BCL2L13: variants seen among roughly 807,000 people sequenced by gnomAD.
BCL2L13 encodes the protein bcl-2-like protein 13.
Under a neutral mutation model 25.8 loss-of-function variants are expected in BCL2L13, and 13 were observed. The ratio of observed to expected loss-of-function variants is 0.50; its 90% CI spans 0.33 to 0.80. The LOEUF is 0.80. Among genes scored for constraint, BCL2L13 ranks in the 30% least tolerant of loss-of-function variants. BCL2L13 has a pLI of 0.02. For missense variants in BCL2L13, 504 were observed against 574.9 expected (o/e 0.88, Z 1.26); for synonymous variants, 244 against 230.3 (o/e 1.06, Z -0.54).
At position 17,710,520 on chromosome 22, in the gene BCL2L13, C is replaced by T. The variant is rs533867960; in HGVS notation, c.600+8134C>T. On this transcript the variant is annotated intron_variant, in intron 6 of 6. Transcript: ENST00000317582. Reference sequence around the variant, plus strand: ...GCTTGAACTTGGGAGGCGGAGGTTGCGGTGAGCTGAGATCACGCCACTGCA... The same window carrying T: ...GCTTGAACTTGGGAGGCGGAGGTTGTGGTGAGCTGAGATCACGCCACTGCA... Among the ~76,000 whole-genome samples the T allele has an allele frequency of 1.3e-4, 20 of 152,004 alleles. No individual in the cohort carries two copies. The South Asian group carries it at 3.3e-3, about 25-fold the overall frequency.
At position 17,659,660 on chromosome 22, in the gene BCL2L13, AAAAACAAAAC is replaced by A. The variant is rs149548796; in HGVS notation, c.121+3843_121+3852del. On this transcript the variant is annotated intron_variant, in intron 2 of 6. Coordinates refer to ENST00000317582, the MANE Select transcript of BCL2L13 (RefSeq NM_015367.4). ...TGGGCGACAGAACGAGACTCCGTCA[AAAAACAAAAC>A]AAAACAAAACAAAAAAACAAGAAAC... 2.8e-5 allele frequency among the ~76,000 whole-genome samples: 4 copies of A among 144,858 alleles called. 2 individuals carry two copies. The Admixed American group carries it at 2.8e-4, about 10-fold the overall frequency.
rs923427047 is a variant in BCL2L13 at position 17,678,674 on chromosome 22, A to G, written c.122-4540A>G. Among the ~76,000 whole-genome samples the G allele has an allele frequency of 5.1e-4, 78 of 152,348 alleles. 2 individuals carry two copies. Among genetic ancestry groups the G allele is most frequent in the African/African-American group, 1.8e-3 (73 of 41,586 alleles). Reference sequence around the variant, plus strand: ...TGTTTACTACCGTGCCTGTTAAGTAACAGGTACTTTGTAAATGCTTGCTGT... The same window carrying G: ...TGTTTACTACCGTGCCTGTTAAGTAGCAGGTACTTTGTAAATGCTTGCTGT... On this transcript the variant is annotated intron_variant, in intron 2 of 6. Coordinates refer to ENST00000317582, the MANE Select transcript of BCL2L13 (RefSeq NM_015367.4).
At chr22:17,643,729 G>A (rs2058371557) in intron 1 of BCL2L13, among the ~76,000 whole-genome samples, 1 of 151,796 alleles carries the variant, frequency 6.6e-6, no homozygotes, top group Admixed American at 6.6e-5. Context: ...CTGGGTTCAT[G>A]CCAGGAGGTG....
At chr22:17,721,059 CG>C (rs1318228101) in intron 6 of BCL2L13, among the ~76,000 whole-genome samples, 1 of 151,282 alleles carries the variant, frequency 6.6e-6, no homozygotes, top group Non-Finnish European at 1.5e-5. Flanking sequence ...CCCAGCTACT[CG>C]GGGGGAGGCT....
chr22:17,676,843 G>T (rs2059588988), intron 2 of BCL2L13, among the ~76,000 whole-genome samples: 2 of 152,164 alleles, frequency 1.3e-5, no homozygotes, highest in African/African-American at 4.8e-5. Context: ...TGCTTTATGA[G>T]AATTTATAAA....
At chr22:17,630,225 C>CA (rs79307050) in intron 1 of BCL2L13, among the ~76,000 whole-genome samples, 1,103 of 81,748 alleles carry the variant, frequency 0.013, 15 homozygotes, top group African/African-American at 0.029. Context: ...CTCAAAAAAA[C>CA]AAAAAAAAAA....
chr22:17,685,974 G>A (rs928162722), intron 3 of BCL2L13, among the ~76,000 whole-genome samples: 13 of 150,942 alleles, frequency 8.6e-5, no homozygotes, highest in East Asian at 2.0e-4. Context: ...GGGTTTCACC[G>A]TGTTAGCCAG....
rs199900741 is a variant in BCL2L13, at chr22:17,727,070, C to T, written c.994C>T (p.Arg332Trp). 104 of 1,614,148 alleles carry T rather than the reference C, an allele frequency of 6.4e-5. No individual in the cohort carries two copies. The highest frequency in any genetic ancestry group is 1.7e-4 in the Middle Eastern group (1 of 6,060). The change falls in exon 7 of 7, where the codon CGG (arginine) becomes TGG (tryptophan). Residue 332 changes from arginine to tryptophan, a missense_variant. Physicochemically the swap from Arg to Trp is moderately radical, Grantham distance 101. Transcript: ENST00000317582. Reference sequence around the variant, plus strand: ...TGTGGCTTCTGTGGTCTTGCCAGCGCGGGAGCTGCAAGAGGCACTTCCTGA... The same window carrying T: ...TGTGGCTTCTGTGGTCTTGCCAGCGTGGGAGCTGCAAGAGGCACTTCCTGA... ...AAVASVVLPA[R>W]ELQEALPEAP...
In BCL2L13 at chr22:17,727,002, A is replaced by G; in HGVS notation, c.926A>G (p.His309Arg). 1 of 1,614,208 alleles carries G rather than the reference A, an allele frequency of 6.2e-7. No individual in the cohort carries two copies. The change falls in exon 7 of 7, where the codon CAC (histidine) becomes CGC (arginine). Residue 309 changes from histidine to arginine, a missense_variant. His to Arg is a conservative substitution (Grantham distance 29, BLOSUM62 0). Transcript: ENST00000317582. ...ENNSSNSDIV[H>R]VEKEEVPEGM... The stretch of plus-strand genomic sequence containing the variant: ...AACTCCTCTAATTCTGACATTGTGC[A>G]CGTGGAGAAAGAAGAGGTGCCCGAG...
chr22:17,666,678 C>CTTTT (rs35623813), intron 2 of BCL2L13, among the ~76,000 whole-genome samples: 19 of 121,324 alleles, frequency 1.6e-4, no homozygotes, highest in Non-Finnish European at 2.1e-4. Context: ...GGACCTCATT[C>CTTTT]TTTTTTTTTT....
chr22:17,646,956 T>TATA (rs1491502012), intron 1 of BCL2L13, among the ~76,000 whole-genome samples: 61 of 14,362 alleles, frequency 4.2e-3, no homozygotes, highest in African/African-American at 9.9e-3. Context: ...TATATATATA[T>TATA]TTTTTTTTTT....
chr22:17,699,030 A>G (rs1358783831), intron 5 of BCL2L13, among the ~76,000 whole-genome samples: 1 of 152,186 alleles, frequency 6.6e-6, no homozygotes, highest in African/African-American at 2.4e-5. Context: ...ATGTCACTTA[A>G]CATGTTCTTC....
intron 2 of BCL2L13, among the ~76,000 whole-genome samples, chr22:17,670,598 C>T (rs575563374): frequency 1.4e-4 from 21 of 152,070 alleles, no homozygotes; most frequent in African/African-American, 4.8e-4. Flanking sequence ...GGTCTCAAGC[C>T]CCCGACCTCG....
chr22:17,673,164 T>A (rs1177322589), intron 2 of BCL2L13, among the ~76,000 whole-genome samples: 1 of 152,146 alleles, frequency 6.6e-6, no homozygotes, highest in Non-Finnish European at 1.5e-5. Flanking sequence ...CCTGTAAAGT[T>A]CTATGATTCA....
chr22:17,694,353 C>G (rs922229427), intron 4 of BCL2L13, among the ~76,000 whole-genome samples: 5 of 151,752 alleles, frequency 3.3e-5, no homozygotes, highest in Non-Finnish European at 5.9e-5. Flanking sequence ...ATCTCTCTAC[C>G]CTTGTATCAT....
At chr22:17,695,087 A>G (rs1568984513) in intron 4 of BCL2L13, among the ~76,000 whole-genome samples, 1 of 152,112 alleles carries the variant, frequency 6.6e-6, no homozygotes, top group Non-Finnish European at 1.5e-5. Flanking sequence ...CAGGACCTCA[A>G]CACAGCCTCG....
At chr22:17,686,474 T>G (rs1458514507) in intron 3 of BCL2L13, among the ~76,000 whole-genome samples, 1 of 151,712 alleles carries the variant, frequency 6.6e-6, no homozygotes, top group African/African-American at 2.4e-5. Flanking sequence ...CAAATAATCC[T>G]GAAACCTAAT....
chr22:17,679,611 T>C (rs1183307823), intron 2 of BCL2L13, among the ~76,000 whole-genome samples: 1 of 151,956 alleles, frequency 6.6e-6, no homozygotes, highest in African/African-American at 2.4e-5. Context: ...TTAAATGTTC[T>C]GTAGTACTGA....
chr22:17,724,734 T>G (rs2061247282), intron 6 of BCL2L13, among the ~76,000 whole-genome samples: 1 of 152,270 alleles, frequency 6.6e-6, no homozygotes, highest in Non-Finnish European at 1.5e-5. Flanking sequence ...GAAATTAATT[T>G]GCTTTACATA....
Sources: allele counts gnomAD v4.1 joint callset (sites outside exome capture counted in the v4.1 genomes callset), GRCh38; gene constraint gnomAD v4.1.1; transcripts MANE v1.5; gene names NCBI Gene and HGNC (gene_info 2026-07-23, HGNC 2026-07-21).